Variants in CAMTA1 observed in about 807,000 individuals in gnomAD.
CAMTA1 encodes the protein calmodulin binding transcription activator 1.
A neutral mutation model predicts 170.9 loss-of-function variants in CAMTA1; 27 were observed. That is an observed-to-expected ratio of 0.16 (90% CI 0.12 to 0.22). CAMTA1 has a LOEUF of 0.22. CAMTA1 is among the 10% of genes least tolerant of loss of function. The probability of loss-of-function intolerance (pLI) is 1.00; values close to 1 mark genes in which losing one functional copy is unlikely to be tolerated. For synonymous variants in CAMTA1, 833 were observed against 891.5 expected, an observed-to-expected ratio of 0.93 and a Z score of 1.17; for missense variants, 1,619 against 2,217.2, an observed-to-expected ratio of 0.73 and a Z score of 5.42.
intron 4 of CAMTA1, among the ~76,000 whole-genome samples, chr1:7,165,612 A>G (rs1648236231): frequency 6.6e-6 from 1 of 152,116 alleles, no homozygotes; most frequent in Non-Finnish European, 1.5e-5. Context: ...TAGTATTTTT[A>G]GTAGATACGG....
rs75244331 is a variant in CAMTA1 at position 7,007,579 on chromosome 1, C to T, written c.235-83725C>T. ...TTTACCTCCTGCTTCAGCCCTTACTCGCCTCCTCCAATCCCAAACTCCTCC... is the reference window on the plus strand; with the variant it reads ...TTTACCTCCTGCTTCAGCCCTTACTTGCCTCCTCCAATCCCAAACTCCTCC... On this transcript the variant is annotated intron_variant, in intron 3 of 22. Transcript: ENST00000303635. The surrounding 1 kb of genome is among the most constrained non-coding windows in gnomAD (Gnocchi z 4.5). Among the ~76,000 whole-genome samples, 10 of 152,290 alleles carry T rather than the reference C, an allele frequency of 6.6e-5. No homozygotes were observed. Among genetic ancestry groups the T allele is most frequent in the East Asian group, 1.9e-4 (1 of 5,160 alleles).
In CAMTA1 at chr1:7,146,246, C is replaced by T. The variant is rs1245414205; in HGVS notation, c.302+54875C>T. Among the ~76,000 whole-genome samples, 1 of 152,022 alleles carries T rather than the reference C, an allele frequency of 6.6e-6. No homozygotes were observed. The highest frequency in any genetic ancestry group is 2.4e-5 in the African/African-American group (1 of 41,388). On this transcript the variant is annotated intron_variant, in intron 4 of 22. Transcript: ENST00000303635. The surrounding 1 kb of genome is among the most constrained non-coding windows in gnomAD (Gnocchi z 4.3). The stretch of plus-strand genomic sequence containing the variant: ...CCCCTCGCAGCAGGAGCTTGGCAGC[C>T]CCTGAACCCGGTGCCTGCTCATGAG...
intron 4 of CAMTA1, among the ~76,000 whole-genome samples, chr1:7,163,494 C>T (rs778508424): frequency 3.3e-5 from 5 of 152,020 alleles, no homozygotes; most frequent in East Asian, 1.9e-4. Context: ...AAGCGAGGGA[C>T]GGCAGTGATA....
intron 6 of CAMTA1, among the ~76,000 whole-genome samples, chr1:7,497,991 G>C (rs952864912): frequency 4.6e-5 from 7 of 152,126 alleles, no homozygotes; most frequent in African/African-American, 1.7e-4. Flanking sequence ...AGTGCTCCCT[G>C]TGGGAGTCTC....
intron 4 of CAMTA1, among the ~76,000 whole-genome samples, chr1:7,136,292 T>A (rs1296622878): frequency 1.3e-5 from 2 of 152,240 alleles, no homozygotes; most frequent in Non-Finnish European, 2.9e-5. Context: ...CACCCCTCTG[T>A]GTCTGCACCC....
In CAMTA1 at chr1:7,732,235, C is replaced by G. The variant is rs917079113; in HGVS notation, c.2915-213C>G. Among the ~76,000 whole-genome samples, 2 of 152,090 alleles carry G rather than the reference C, an allele frequency of 1.3e-5. No homozygotes were observed. Among genetic ancestry groups the G allele is most frequent in the African/African-American group, 4.8e-5 (2 of 41,412 alleles). On this transcript the variant is annotated intron_variant, in intron 11 of 22. Coordinates refer to ENST00000303635, the MANE Select transcript of CAMTA1 (RefSeq NM_015215.4). This position sits in a 1 kb window ranked among gnomAD's most constrained non-coding sequence, Gnocchi z 4.1. ...AAAAAGAGAATTTCTGGTCTTTTATCCGAGAACTTCGGGCTGCTGAAGGTG... is the reference window on the plus strand; with the variant it reads ...AAAAAGAGAATTTCTGGTCTTTTATGCGAGAACTTCGGGCTGCTGAAGGTG...
chr1:6,951,544 T>C (rs193175387), intron 3 of CAMTA1, among the ~76,000 whole-genome samples: 2 of 152,332 alleles, frequency 1.3e-5, no homozygotes, highest in African/African-American at 4.8e-5. Flanking sequence ...GAAGCGTCTT[T>C]ATCCCCCAGG....
intron 6 of CAMTA1, among the ~76,000 whole-genome samples, chr1:7,494,443 CG>C (rs1557810891): frequency 6.6e-6 from 1 of 152,062 alleles, no homozygotes; most frequent in Admixed American, 6.5e-5. Context: ...TGGCCGTCTC[CG>C]GGGAGTTGAA....
chr1:7,147,166 A>G (rs1424178871), intron 4 of CAMTA1, among the ~76,000 whole-genome samples: 1 of 152,106 alleles, frequency 6.6e-6, no homozygotes, highest in Non-Finnish European at 1.5e-5. Context: ...CACGCCTGTA[A>G]TTCCAGCACT....
chr1:7,184,272 A>T (rs1024612929), intron 4 of CAMTA1, among the ~76,000 whole-genome samples: 1 of 152,218 alleles, frequency 6.6e-6, no homozygotes, highest in Non-Finnish European at 1.5e-5. Flanking sequence ...CTATAAAAAA[A>T]TAGTTGGAAA....
intron 6 of CAMTA1, among the ~76,000 whole-genome samples, chr1:7,539,323 C>A (rs1161192284): frequency 2.0e-5 from 3 of 152,262 alleles, no homozygotes; most frequent in Non-Finnish European, 2.9e-5. Flanking sequence ...CTCCCCAGTG[C>A]TCAGGCTGAA....
intron 5 of CAMTA1, among the ~76,000 whole-genome samples, chr1:7,438,105 C>CGGAGGCAGAGGCA: frequency 6.6e-6 from 1 of 151,690 alleles, no homozygotes; most frequent in East Asian, 2.0e-4. Flanking sequence ...GGTGTAGAGG[C>CGGAGGCAGAGGCA]GGAGGCAGAG....
At chr1:7,493,005 ACAAAC>A (rs2093747471) in intron 6 of CAMTA1, among the ~76,000 whole-genome samples, 1 of 150,970 alleles carries the variant, frequency 6.6e-6, no homozygotes, top group Admixed American at 6.6e-5. Context: ...GCACACAAAC[ACAAAC>A]CTACAAACAC....
chr1:7,084,752 C>T (rs537979310), intron 3 of CAMTA1, among the ~76,000 whole-genome samples: 6 of 152,278 alleles, frequency 3.9e-5, no homozygotes, highest in Admixed American at 6.5e-5. Flanking sequence ...TCCAGTACGG[C>T]GGCCATGTGT....
intron 6 of CAMTA1, among the ~76,000 whole-genome samples, chr1:7,605,062 C>T (rs569541852): frequency 2.3e-4 from 35 of 152,178 alleles, no homozygotes; most frequent in African/African-American, 6.5e-4. Context: ...GAGGAGTACC[C>T]GGCCGGCTGT....
intron 5 of CAMTA1, among the ~76,000 whole-genome samples, chr1:7,302,195 C>T (rs187524955): frequency 3.9e-5 from 6 of 152,268 alleles, no homozygotes; most frequent in African/African-American, 1.4e-4. Context: ...AATCATTCTC[C>T]ATCAGAAAGC....
intron 3 of CAMTA1, among the ~76,000 whole-genome samples, chr1:6,926,462 TTCTTTCTTTC>T (rs1557838027): frequency 7.3e-6 from 1 of 137,040 alleles, no homozygotes; most frequent in Non-Finnish European, 1.5e-5. Flanking sequence ...CTTTCTTTCT[TTCTTTCTTTC>T]TTTCTTTCTT....
At chr1:7,315,600 G>A (rs577246011) in intron 5 of CAMTA1, among the ~76,000 whole-genome samples, 1 of 152,278 alleles carries the variant, frequency 6.6e-6, no homozygotes, top group Admixed American at 6.5e-5. Flanking sequence ...CCTTGTTTTT[G>A]TGTCCTGAGG....
chr1:7,235,985 A>G (rs1313863822), intron 4 of CAMTA1, among the ~76,000 whole-genome samples: 1 of 152,172 alleles, frequency 6.6e-6, no homozygotes, highest in Admixed American at 6.5e-5. Context: ...CATATCTGGC[A>G]GATTGCAGCC....
Sources: gnomAD v4.1 joint callset for allele counts (sites outside exome capture counted in the v4.1 genomes callset) on GRCh38, gnomAD v4.1.1 for gene constraint, Gnocchi (gnomAD v3.1) non-coding constraint, MANE v1.5 for transcripts, NCBI Gene and HGNC (gene_info 2026-07-23, HGNC 2026-07-21) for gene names.